The following ABLIM1 variants were observed in gnomAD, a reference collection of about 807,000 sequenced individuals.
The protein encoded by ABLIM1 is actin binding LIM protein 1.
ABLIM1 carries 40 observed loss-of-function variants against 107.0 expected under a neutral mutation model. The observed-to-expected ratio is 0.37, with a 90% CI of 0.29 to 0.49. The LOEUF (loss-of-function observed/expected upper bound fraction) is 0.49, where lower values mean the gene tolerates loss of function less well. ABLIM1 is among the 20% of genes least tolerant of loss of function. The pLI, the probability that ABLIM1 is intolerant of heterozygous loss-of-function variation, is 0.97. For synonymous variants in ABLIM1, 357 were observed against 357.3 expected (o/e 1.00, Z 0.01); for missense variants, 857 against 1,008.5 (o/e 0.85, Z 2.04).
intron 8 of ABLIM1, among the ~76,000 whole-genome samples, chr10:114,476,793 T>A (rs139840682): frequency 2.5e-3 from 376 of 152,222 alleles, no homozygotes; most frequent in African/African-American, 8.5e-3. Flanking sequence ...CCTGTATCCA[T>A]CTCTGTGAGA....
chr10:114,622,024 C>T (rs1293340273), intron 1 of ABLIM1, among the ~76,000 whole-genome samples: 1 of 152,190 alleles, frequency 6.6e-6, no homozygotes, highest in African/African-American at 2.4e-5. Context: ...AAAACTGCTC[C>T]TTGATGGCCA....
At position 114,575,596 on chromosome 10, in the gene ABLIM1, C is replaced by T. The variant is rs757143698; in HGVS notation, c.383G>A (p.Cys128Tyr). The change falls in exon 3 of 23, where the codon TGT (cysteine) becomes TAT (tyrosine). Residue 128 changes from cysteine (C) to tyrosine (Y), a missense_variant. By Grantham distance (194) the Cys-to-Tyr change is radical (BLOSUM62 -2). This residue lies in a region of ABLIM1 where 176 missense variants were observed against 173.5 expected (regional missense o/e 1.01). Transcript: ENST00000533213. ...FHIKCFTCKV[C>Y]GCDLAQGGFF... is the part of the protein sequence containing the mutation. ...GCCCCCTTGTGCCAGGTCACAGCCA[C>T]ACACTGTAGAGAGACAAGTTCACAT... is the stretch of plus-strand genomic sequence containing the variant. 6 of 1,613,128 alleles carry T rather than the reference C, an allele frequency of 3.7e-6. No homozygotes were observed. Among genetic ancestry groups the T allele is most frequent in the African/African-American group, 1.3e-5 (1 of 74,928 alleles).
At chr10:114,731,241 A>T (rs2082066884) in intron 1 of ABLIM1, among the ~76,000 whole-genome samples, 1 of 151,002 alleles carries the variant, frequency 6.6e-6, no homozygotes, top group South Asian at 2.1e-4. Flanking sequence ...CCCGGGTTCA[A>T]GCAATTCTCC....
upstream of ABLIM1, among the ~76,000 whole-genome samples, chr10:114,686,627 CTT>C (rs1178604530): frequency 1.3e-5 from 2 of 151,648 alleles, no homozygotes; most frequent in Non-Finnish European, 2.9e-5. Context: ...CTTCTTCTCT[CTT>C]TATCTCTCTT....
chr10:114,514,222 A>G (rs533670416), intron 6 of ABLIM1, among the ~76,000 whole-genome samples: 1 of 152,138 alleles, frequency 6.6e-6, no homozygotes, highest in East Asian at 1.9e-4. Flanking sequence ...GGGAGGGGGA[A>G]AGGGGAGCCG....
chr10:114,474,608 C>G (rs2134051886), intron 8 of ABLIM1, among the ~76,000 whole-genome samples: 1 of 152,226 alleles, frequency 6.6e-6, no homozygotes, highest in Admixed American at 6.5e-5. Context: ...TCTTGATCTC[C>G]TGACCTCGTG....
rs73371894 is a variant in ABLIM1 at position 114,707,197 on chromosome 10, C to T, written c.-213+60864G>A. Among the ~76,000 whole-genome samples, 1 of 152,070 alleles carries T rather than the reference C, an allele frequency of 6.6e-6. No individual in the cohort carries two copies. The highest frequency in any genetic ancestry group is 6.5e-5 in the Admixed American group (1 of 15,268). Reference sequence around the variant, plus strand: ...ACCATACATACAGTGCAATTAGAGACCATCATATCCCAAAGTTCTCCAGTA... The same window carrying T: ...ACCATACATACAGTGCAATTAGAGATCATCATATCCCAAAGTTCTCCAGTA... On this transcript the variant is annotated intron_variant, in intron 1 of 15. Coordinates refer to the ABLIM1 transcript ENST00000651092. This position sits in a 1 kb window ranked among gnomAD's most constrained non-coding sequence, Gnocchi z 4.1.
At chr10:114,544,880 G>A (rs935382973) in intron 6 of ABLIM1, 125 bp downstream of exon 6, 27 of 851,294 alleles carry the variant, frequency 3.2e-5, no homozygotes, top group Admixed American at 1.1e-4. Context: ...AGTCACCTGC[G>A]ACTACTTTCT....
At chr10:114,716,445 C>T (rs146304002) in intron 1 of ABLIM1, among the ~76,000 whole-genome samples, 1 of 131,022 alleles carries the variant, frequency 7.6e-6, no homozygotes, top group Non-Finnish European at 1.6e-5. Context: ...ACACACACAC[C>T]CCTCCCCACA....
At chr10:114,666,759 T>C (rs915829058) in intron 1 of ABLIM1, among the ~76,000 whole-genome samples, 1 of 152,100 alleles carries the variant, frequency 6.6e-6, no homozygotes, top group African/African-American at 2.4e-5. Flanking sequence ...AATCCAGAGG[T>C]TGCAAATTAA....
intron 12 of ABLIM1, among the ~76,000 whole-genome samples, chr10:114,459,354 T>C (rs1389776507): frequency 6.6e-6 from 1 of 152,246 alleles, no homozygotes; most frequent in Non-Finnish European, 1.5e-5. Flanking sequence ...CATTGACTTA[T>C]CTCAAAGATA....
chr10:114,683,232 C>G (rs1001729741), intron 1 of ABLIM1, among the ~76,000 whole-genome samples: 1 of 152,226 alleles, frequency 6.6e-6, no homozygotes, highest in Admixed American at 6.5e-5. Flanking sequence ...CACGTGGGGC[C>G]ATCGTCCACT....
chr10:114,620,662 T>G (rs1195633038), intron 1 of ABLIM1, among the ~76,000 whole-genome samples: 1 of 152,150 alleles, frequency 6.6e-6, no homozygotes, highest in Non-Finnish European at 1.5e-5. Flanking sequence ...TCCGCCCACC[T>G]CAGCCTCCCA....
At chr10:114,778,510 C>T in the ABLIM1 span, 4 of 152,106 alleles carry the variant, frequency 2.6e-5, no homozygotes, top group East Asian at 7.8e-4. Flanking sequence ...CTTTCCAAAC[C>T]TGTTGTTCCT....
chr10:114,549,527 C>A (rs1412642475), intron 4 of ABLIM1, among the ~76,000 whole-genome samples: 7 of 151,068 alleles, frequency 4.6e-5, no homozygotes, highest in Admixed American at 4.6e-4. Context: ...CGTTCTTTTT[C>A]TTTTTTTTTA....
rs528295840 is a variant in ABLIM1, at chr10:114,681,682, A to G, written c.64+2608T>C. Among the ~76,000 whole-genome samples, 11 of 152,368 alleles carry G rather than the reference A, an allele frequency of 7.2e-5. No individual in the cohort carries two copies. The East Asian group carries it at 2.1e-3, about 29-fold the overall frequency. Reference sequence around the variant, plus strand: ...AAATATTACAAAGAAGAGTGATAGCAGGCTTGGGGAGTTCCTGTTCCAGGA... The same window carrying G: ...AAATATTACAAAGAAGAGTGATAGCGGGCTTGGGGAGTTCCTGTTCCAGGA... On this transcript the variant is annotated intron_variant, in intron 1 of 23. Transcript: ENST00000369256.
intron 1 of ABLIM1, among the ~76,000 whole-genome samples, chr10:114,714,387 G>A (rs1050243541): frequency 1.3e-5 from 2 of 151,392 alleles, no homozygotes. Context: ...GCACTCCTGG[G>A]TCACCAGCCA....
At chr10:114,449,468 A>G (rs1204787886) in intron 14 of ABLIM1, among the ~76,000 whole-genome samples, 4 of 152,082 alleles carry the variant, frequency 2.6e-5, no homozygotes, top group Non-Finnish European at 5.9e-5. Context: ...CCTTCCTTGG[A>G]GATAGGGTCT....
At chr10:114,492,906 G>A (rs2059194733) in intron 6 of ABLIM1, among the ~76,000 whole-genome samples, 2 of 152,148 alleles carry the variant, frequency 1.3e-5, no homozygotes, top group Admixed American at 6.5e-5. Context: ...CAACCAGCAC[G>A]TGAGGTGGTG....
Sources: allele counts gnomAD v4.1 joint callset (sites outside exome capture counted in the v4.1 genomes callset), GRCh38; gene constraint gnomAD v4.1.1; regional missense constraint gnomAD v4.1.1; non-coding constraint Gnocchi (gnomAD v3.1); transcripts MANE v1.5; gene names NCBI Gene and HGNC (gene_info 2026-07-23, HGNC 2026-07-21).